Variants in FAM171A1 observed in about 807,000 individuals in gnomAD.
FAM171A1 encodes family with sequence similarity 171 member A1, also known as protein FAM171A1.
Under a neutral mutation model 74.9 loss-of-function variants are expected in FAM171A1, and 23 were observed. The ratio of observed to expected loss-of-function variants is 0.31; its 90% CI spans 0.22 to 0.44. The LOEUF is 0.44. FAM171A1 is among the 20% of genes least tolerant of loss of function. The probability of loss-of-function intolerance (pLI) is 1.00; values close to 1 mark genes in which losing one functional copy is unlikely to be tolerated. For synonymous variants in FAM171A1, 527 were observed against 505.7 expected, an observed-to-expected ratio of 1.04 and a Z score of -0.57; for missense variants, 1,162 against 1,159.2, an observed-to-expected ratio of 1.00 and a Z score of -0.03.
rs143811332 is a variant in FAM171A1, at chr10:15,259,105, C to A, written c.419-4226G>T. On this transcript the variant is annotated intron_variant, in intron 3 of 7. Transcript: ENST00000378116. The stretch of plus-strand genomic sequence containing the variant: ...GTCTCCCCAACACCCAGTTTTGATT[C>A]TAGGTCACCATCATCATTCTCCCTA... Among the ~76,000 whole-genome samples, 7 of 152,306 alleles carry A rather than the reference C, an allele frequency of 4.6e-5. No individual in the cohort carries two copies. The South Asian group carries it at 8.3e-4, about 18-fold the overall frequency.
At chr10:15,258,841 G>A (rs2131774391) in intron 3 of FAM171A1, among the ~76,000 whole-genome samples, 1 of 152,248 alleles carries the variant, frequency 6.6e-6, no homozygotes, top group South Asian at 2.1e-4. Flanking sequence ...TCCTACCTCT[G>A]GATGAAACAG....
intron 5 of FAM171A1, among the ~76,000 whole-genome samples, chr10:15,244,736 G>A (rs143691143): frequency 1.3e-5 from 2 of 152,118 alleles, no homozygotes; most frequent in East Asian, 3.9e-4. Flanking sequence ...GACTCGGTGA[G>A]GGTGCAGGGA....
intron 1 of FAM171A1, among the ~76,000 whole-genome samples, chr10:15,294,222 G>C (rs1306567298): frequency 6.6e-6 from 1 of 152,178 alleles, no homozygotes; most frequent in Non-Finnish European, 1.5e-5. Context: ...GGGCAGTGCT[G>C]CTTGCCCTGC....
chr10:15,249,611 A>G (rs2131759784), intron 4 of FAM171A1, among the ~76,000 whole-genome samples: 2 of 152,300 alleles, frequency 1.3e-5, no homozygotes, highest in East Asian at 3.9e-4. Context: ...TAACATAGCA[A>G]ATTTCTTCAA....
intron 3 of FAM171A1, among the ~76,000 whole-genome samples, chr10:15,266,087 G>T (rs779586751): frequency 6.6e-6 from 1 of 152,276 alleles, no homozygotes; most frequent in African/African-American, 2.4e-5. Flanking sequence ...CACGGACGCC[G>T]TCTGCTCCTT....
chr10:15,247,581 C>T (rs1834451185), intron 5 of FAM171A1, among the ~76,000 whole-genome samples: 1 of 152,172 alleles, frequency 6.6e-6, no homozygotes, highest in African/African-American at 2.4e-5. Flanking sequence ...CAGTGTGGGT[C>T]TGTGTGACCA....
Position 15,331,874 on chromosome 10 carries a change from T to C in FAM171A1, c.97+39082A>G, listed in dbSNP as rs1352521056. Among the ~76,000 whole-genome samples the C allele has an allele frequency of 1.3e-3, 71 of 56,686 alleles. 2 individuals are homozygous for C. Among genetic ancestry groups the C allele is most frequent in the Middle Eastern group, 8.3e-3 (1 of 120 alleles). The allele number at this position is 56,686 out of a possible 152,430, so 37.2% of individuals were successfully genotyped here. A position where few individuals can be genotyped will look rare whatever the true frequency, so the allele number is the denominator to read the frequency against. On this transcript the variant is annotated intron_variant, in intron 1 of 7. Transcript: ENST00000378116. ...ATATATGTGTGTATATATATGTGTG[T>C]GTATACATATATATATATATATGAA...
intron 1 of FAM171A1, among the ~76,000 whole-genome samples, chr10:15,350,678 G>A (rs1304968287): frequency 2.0e-5 from 3 of 147,922 alleles, no homozygotes; most frequent in East Asian, 2.0e-4. Context: ...AGTCTCTGTC[G>A]CCCAGGCTGG....
rs1443104641 is a variant in FAM171A1 at position 15,224,368 on chromosome 10, C to T, written c.755-3308G>A. ...GTGCCCGGGCTGGAAAGGAGTTAGGCATCCTTCTGGGACGATCTTCACACC... is the reference window on the plus strand; with the variant it reads ...GTGCCCGGGCTGGAAAGGAGTTAGGTATCCTTCTGGGACGATCTTCACACC... On this transcript the variant is annotated intron_variant, in intron 5 of 7. Coordinates refer to ENST00000378116, the MANE Select transcript of FAM171A1 (RefSeq NM_001010924.2). 2.0e-5 allele frequency among the ~76,000 whole-genome samples: 3 copies of T among 152,106 alleles called. No individual in the cohort carries two copies. The East Asian group carries it at 5.8e-4, about 29-fold the overall frequency.
At chr10:15,356,991 A>C (rs1353020910) in intron 1 of FAM171A1, among the ~76,000 whole-genome samples, 1 of 151,172 alleles carries the variant, frequency 6.6e-6, no homozygotes, top group Non-Finnish European at 1.5e-5. Context: ...CAAACAAACA[A>C]AAAAAGGCCG....
chr10:15,242,151 G>A (rs1023912469), intron 5 of FAM171A1, among the ~76,000 whole-genome samples: 4 of 152,046 alleles, frequency 2.6e-5, no homozygotes, highest in African/African-American at 9.7e-5. Flanking sequence ...ATTGTTTTAT[G>A]TGCTTAAGAT....
chr10:15,264,979 C>T (rs1363909880), intron 3 of FAM171A1, among the ~76,000 whole-genome samples: 2 of 151,860 alleles, frequency 1.3e-5, no homozygotes, highest in Non-Finnish European at 1.5e-5. Flanking sequence ...TGCCTCAATA[C>T]GACCGAGACA....
intron 5 of FAM171A1, among the ~76,000 whole-genome samples, chr10:15,242,179 A>AT (rs967124632): frequency 4.6e-5 from 7 of 151,838 alleles, no homozygotes; most frequent in African/African-American, 1.7e-4. Flanking sequence ...CCCATTCCCC[A>AT]TTTTTTTCCT....
chr10:15,374,154 T>C (rs1836178583), upstream of FAM171A1, among the ~76,000 whole-genome samples: 1 of 152,210 alleles, frequency 6.6e-6, no homozygotes. Context: ...CCAGGACGAA[T>C]TGGAACTTTA....
chr10:15,353,234 C>T (rs1432443659), intron 1 of FAM171A1, among the ~76,000 whole-genome samples: 2 of 152,188 alleles, frequency 1.3e-5, no homozygotes, highest in East Asian at 3.8e-4. Context: ...CAATCACCTC[C>T]AACCTCTGAT....
In FAM171A1 at chr10:15,214,721, C is replaced by G. The variant is rs1328842308; in HGVS notation, c.987-120G>C. The G allele has an allele frequency of 3.8e-6, 5 of 1,332,340 alleles. No individual in the cohort carries two copies. The African/African-American group carries it at 7.5e-5, about 20-fold the overall frequency. The allele number at this position is 1,332,340 out of a possible 1,614,324, so 82.5% of individuals were successfully genotyped here. A position where few individuals can be genotyped will look rare whatever the true frequency, so the allele number is the denominator to read the frequency against. On this transcript the variant is annotated intron_variant, in intron 7 of 7. Transcript: ENST00000378116. The stretch of plus-strand genomic sequence containing the variant: ...TGGGGAGAGACAAAACAAAACAAGT[C>G]AGGAGCAGCCAAAAGCCTTCTCACC...
intron 3 of FAM171A1, among the ~76,000 whole-genome samples, chr10:15,270,362 C>T (rs1834807036): frequency 6.6e-6 from 1 of 152,166 alleles, no homozygotes; most frequent in Non-Finnish European, 1.5e-5. Flanking sequence ...GCTTGAGTAG[C>T]CAAACAAAAT....
In FAM171A1 at chr10:15,213,809, G is replaced by A. The variant is rs1425024486; in HGVS notation, c.1779C>T (p.Asp593=). 1 of 1,614,142 alleles carries A rather than the reference G, an allele frequency of 6.2e-7. No individual in the cohort carries two copies. Among genetic ancestry groups the A allele is most frequent in the East Asian group, 2.2e-5 (1 of 44,886 alleles). The stretch of plus-strand genomic sequence containing the variant: ...CGAGGGGCTGGCTGACATAGGAGTG[G>A]TCCCCGGGGAGTTTCATATAATGAG... The part of the protein sequence containing the change: ...IPAHYMKLPG[D]HSYVSQPLVV... The change falls in exon 8 of 8, where the codon GAC becomes GAT. Residue 593 remains aspartate, a synonymous_variant. Transcript: ENST00000378116. The surrounding 1 kb of genome is among the most constrained non-coding windows in gnomAD (Gnocchi z 6.8).
chr10:15,328,100 C>G (rs1339207903), intron 1 of FAM171A1, among the ~76,000 whole-genome samples: 1 of 141,448 alleles, frequency 7.1e-6, no homozygotes, highest in Non-Finnish European at 1.5e-5. Flanking sequence ...AAAAACAAAC[C>G]AAAAAAAAAA....
Sources: gnomAD v4.1 joint callset for allele counts (sites outside exome capture counted in the v4.1 genomes callset) on GRCh38, gnomAD v4.1.1 for gene constraint, Gnocchi (gnomAD v3.1) non-coding constraint, MANE v1.5 for transcripts, NCBI Gene and HGNC (gene_info 2026-07-23, HGNC 2026-07-21) for gene names.